Variants in ARMC6 observed in about 807,000 individuals in gnomAD.
ARMC6 encodes the protein armadillo repeat containing 6.
Under a neutral mutation model 49.2 loss-of-function variants are expected in ARMC6, and 43 were observed. That is an observed-to-expected ratio of 0.87 (90% CI 0.69 to 1.13). The LOEUF is 1.13. ARMC6 is among the 50% of genes most tolerant of loss of function. The pLI is 0.00. For synonymous variants in ARMC6, 262 were observed against 289.6 expected (o/e 0.90, Z 0.97); for missense variants, 627 against 682.0 (o/e 0.92, Z 0.90).
rs747958804 is a variant in ARMC6 at position 19,042,825 on chromosome 19, G to A, written c.144G>A (p.Ala48=). 2.9e-5 allele frequency: 46 copies of A among 1,613,900 alleles called. No homozygotes were observed. Among genetic ancestry groups the A allele is most frequent in the East Asian group, 6.7e-5 (3 of 44,894 alleles). ...AAVRENIEEF[A]MGPEEAVKEA... ...TGCGCGAGAACATCGAGGAGTTTGCGATGGGGCCAGAGGAGGCAGTGAAAG... is the reference window on the plus strand; with the variant it reads ...TGCGCGAGAACATCGAGGAGTTTGCAATGGGGCCAGAGGAGGCAGTGAAAG... Residue 48 remains alanine (A), a synonymous_variant, in exon 3 of 9, where the codon GCG becomes GCA. Coordinates refer to ENST00000535612, the MANE Select transcript of ARMC6 (RefSeq NM_001199196.2).
rs141794938 is a variant in ARMC6 at position 19,052,483 on chromosome 19, G to T, written c.853+288G>T. On this transcript the variant is annotated intron_variant, in intron 5 of 8. Transcript: ENST00000535612. Reference sequence around the variant, plus strand: ...CTGTGTCCAACTCCAGGGGCTGAGAGTGGGGAAGGGGGACCTCCCCAGAGG... The same window carrying T: ...CTGTGTCCAACTCCAGGGGCTGAGATTGGGGAAGGGGGACCTCCCCAGAGG... Among the ~76,000 whole-genome samples the T allele has an allele frequency of 7.2e-5, 11 of 152,320 alleles. No homozygotes were observed. In the East Asian group the frequency reaches 1.7e-3, roughly 24 times the overall value.
chr19:19,037,075 A>G (rs2059375639), intron 2 of ARMC6, among the ~76,000 whole-genome samples: 1 of 152,204 alleles, frequency 6.6e-6, no homozygotes, highest in Non-Finnish European at 1.5e-5. Context: ...AGTCTCAGCT[A>G]CTTGGAGGCT....
chr19:19,057,361 A>C, intron 8 of ARMC6, 55 bp from the exon 9 acceptor site: 1 of 1,488,274 alleles, frequency 6.7e-7, no homozygotes, highest in Non-Finnish European at 9.3e-7. Context: ...CTGAGGTCAG[A>C]GTGGACCCCA....
Position 19,054,252 on chromosome 19 carries a change from C to A in ARMC6, c.954C>A (p.Gly318=), listed in dbSNP as rs2059524508. Reference sequence around the variant, plus strand: ...GCCAGGAGGTCGTCGACCTCGGGGGCCTGAGCATTCTGGTGTCCCTGCTAG... The same window carrying A: ...GCCAGGAGGTCGTCGACCTCGGGGGACTGAGCATTCTGGTGTCCCTGCTAG... ...EFCQEVVDLG[G]LSILVSLLAD... The change falls in exon 6 of 9, where the codon GGC becomes GGA. Residue 318 remains glycine (G), a synonymous_variant. Coordinates refer to ENST00000535612, the MANE Select transcript of ARMC6 (RefSeq NM_001199196.2). The A allele has an allele frequency of 1.9e-6, 3 of 1,611,734 alleles. No homozygotes were observed. The highest frequency in any genetic ancestry group is 2.5e-6 in the Non-Finnish European group (3 of 1,178,954).
chr19:19,046,088 T>C (rs1438792606), intron 4 of ARMC6, among the ~76,000 whole-genome samples: 1 of 152,212 alleles, frequency 6.6e-6, no homozygotes, highest in East Asian at 1.9e-4. Flanking sequence ...GCAGAGCTGG[T>C]ACCCGGATCC....
chr19:19,057,748 T>A lies in ARMC6; in HGVS notation c.*120T>A, dbSNP rs559073113. 222 of 801,402 alleles carry A rather than the reference T, an allele frequency of 2.8e-4. 1 individual carries two copies. In the South Asian group the frequency reaches 3.0e-3, roughly 11 times the overall value. The allele number at this position is 801,402 out of a possible 1,614,324, so 49.6% of individuals were successfully genotyped here. On this transcript the variant is annotated 3_prime_UTR_variant, in exon 9 of 9. Transcript: ENST00000535612. ...CCCCTTCACAATGAGAAGTGTTTTCTGGCAGGCCCTAGGTAAAGGGTCGGG... is the reference window on the plus strand; with the variant it reads ...CCCCTTCACAATGAGAAGTGTTTTCAGGCAGGCCCTAGGTAAAGGGTCGGG...
intron 5 of ARMC6, among the ~76,000 whole-genome samples, chr19:19,053,617 G>C (rs1463663687): frequency 6.6e-6 from 1 of 152,196 alleles, no homozygotes; most frequent in Non-Finnish European, 1.5e-5. Context: ...GGTGGTCACA[G>C]GAACTGACCG....
intron 4 of ARMC6, among the ~76,000 whole-genome samples, chr19:19,049,456 G>A (rs1197139644): frequency 6.6e-6 from 1 of 152,182 alleles, no homozygotes. Context: ...AGGCATTTCT[G>A]TCAGGAGCTT....
rs2059419741 is a variant in ARMC6, at chr19:19,042,719, C to G, written c.38C>G (p.Ala13Gly). 6.2e-7 allele frequency: 1 copy of G among 1,612,658 alleles called. No individual in the cohort carries two copies. The highest frequency in any genetic ancestry group is 1.3e-5 in the African/African-American group (1 of 74,796). Reference sequence around the variant, plus strand: ...TTGCCCTAACCTCTCAGCTCAGGAGCATCTATCGGCTGCACGCCAACATCA... The same window carrying G: ...TTGCCCTAACCTCTCAGCTCAGGAGGATCTATCGGCTGCACGCCAACATCA... The part of the protein sequence containing the change: ...ERCCSRYSSG[A>G]SIGCTPTSTQ... The change falls in exon 3 of 9, where the codon GCA becomes GGA. Residue 13 changes from alanine to glycine, a missense_variant. Physicochemically the swap from Ala to Gly is moderately conservative, Grantham distance 60 (BLOSUM62 0). Transcript: ENST00000535612.
In ARMC6 at chr19:19,054,326, G is replaced by T; in HGVS notation, c.1023+5G>T. ...AGGGACCAGAGCGGCGTTCAGGTAT[G>T]AAGTCCCCCTGGCCCATTGCGTGCT... On this transcript the variant is annotated splice_donor_5th_base_variant and intron_variant, in intron 6 of 8. Transcript: ENST00000535612. 1 of 1,568,646 alleles carries T rather than the reference G, an allele frequency of 6.4e-7. No homozygotes were observed. Among genetic ancestry groups the T allele is most frequent in the Non-Finnish European group, 8.7e-7 (1 of 1,156,060 alleles).
At chr19:19,056,387 G>A (rs565279102) in intron 8 of ARMC6, among the ~76,000 whole-genome samples, 7 of 151,674 alleles carry the variant, frequency 4.6e-5, no homozygotes, top group African/African-American at 1.7e-4. Context: ...TCAGTCTCCC[G>A]AGTAGCTGGG....
At chr19:19,047,787 G>A (rs759935088) in intron 4 of ARMC6, among the ~76,000 whole-genome samples, 5 of 152,234 alleles carry the variant, frequency 3.3e-5, no homozygotes, top group Admixed American at 6.5e-5. Context: ...CAAGGTGGTC[G>A]GGCTACAGCT....
rs192932468 is a variant in ARMC6, at chr19:19,043,740, T to C, written c.197-252T>C. ...CTCACTGCACAGACGTGGCCTGTGA[T>C]GACAGCCTTGTGTGACAACGGCCTC... On this transcript the variant is annotated intron_variant, in intron 3 of 8. Coordinates refer to ENST00000535612, the MANE Select transcript of ARMC6 (RefSeq NM_001199196.2). 2.4e-3 allele frequency among the ~76,000 whole-genome samples: 370 copies of C among 152,258 alleles called. 2 individuals carry two copies. Among genetic ancestry groups the C allele is most frequent in the South Asian group, 7.0e-3 (34 of 4,828 alleles).
intron 2 of ARMC6, chr19:19,037,498 C>G (rs1336085710): frequency 4.4e-6 from 2 of 450,234 alleles, no homozygotes; most frequent in Non-Finnish European, 4.2e-6. Context: ...TCCCAAATAG[C>G]TGTAACTACA....
Position 19,045,493 on chromosome 19 carries a change from C to CTTTTTTTTTTT in ARMC6, c.279+1420_279+1430dup, listed in dbSNP as rs11270900. Reference sequence around the variant, plus strand: ...TAAGTGCTCAGCATTATGCTAAATTCTTTTTTTTTTTGAGACAAGAGTCTC... The same window carrying CTTTTTTTTTTT: ...TAAGTGCTCAGCATTATGCTAAATTCTTTTTTTTTTTTTTTTTTTTTTGAGACAAGAGTCTC... On this transcript the variant is annotated intron_variant, in intron 4 of 8. Transcript: ENST00000535612. Among the ~76,000 whole-genome samples the CTTTTTTTTTTT allele has an allele frequency of 3.8e-4, 34 of 89,126 alleles. 5 individuals carry two copies. Among genetic ancestry groups the CTTTTTTTTTTT allele is most frequent in the Admixed American group, 1.5e-3 (10 of 6,460 alleles). 58.5% of individuals were successfully genotyped at this position (89,126 alleles called of 152,430 possible). A position where few individuals can be genotyped will look rare whatever the true frequency, so the allele number is the denominator to read the frequency against.
Position 19,052,479 on chromosome 19 carries a change from G to C in ARMC6, c.853+284G>C, listed in dbSNP as rs552711999. Among the ~76,000 whole-genome samples the C allele has an allele frequency of 5.3e-5, 8 of 152,290 alleles. No individual in the cohort carries two copies. In the East Asian group the frequency reaches 1.5e-3, roughly 29 times the overall value. On this transcript the variant is annotated intron_variant, in intron 5 of 8. Transcript: ENST00000535612. ...CTTGCTGTGTCCAACTCCAGGGGCT[G>C]AGAGTGGGGAAGGGGGACCTCCCCA...
At chr19:19,051,373 CTCTGTG>C (rs1232705073) in intron 4 of ARMC6, among the ~76,000 whole-genome samples, 70 of 115,156 alleles carry the variant, frequency 6.1e-4, no homozygotes, top group African/African-American at 2.3e-3. Flanking sequence ...CTCTCTCTCT[CTCTGTG>C]TGTGTGTGTG....
At chr19:19,045,952 A>G (rs546161506) in intron 4 of ARMC6, among the ~76,000 whole-genome samples, 1 of 152,108 alleles carries the variant, frequency 6.6e-6, no homozygotes, top group African/African-American at 2.4e-5. Context: ...TGCCCGGCCT[A>G]TTATGCTAAA....
chr19:19,033,902 A>G lies in ARMC6; in HGVS notation c.-108A>G, dbSNP rs1038843542. On this transcript the variant is annotated 5_prime_UTR_variant, in exon 1 of 9. Coordinates refer to ENST00000535612, the MANE Select transcript of ARMC6 (RefSeq NM_001199196.2). ...TCCCTGGGTGACAACCGCGCGCCCC[A>G]CCTTTCCCCACGTGGCCGCGAAGAC... is the stretch of plus-strand genomic sequence containing the variant. 5.0e-5 allele frequency: 20 copies of G among 398,898 alleles called. No homozygotes were observed. Among genetic ancestry groups the G allele is most frequent in the Non-Finnish European group, 7.7e-5 (17 of 220,392 alleles). The allele number at this position is 398,898 out of a possible 1,614,324, so 24.7% of individuals were successfully genotyped here. A position where few individuals can be genotyped will look rare whatever the true frequency, so the allele number is the denominator to read the frequency against.
Sources: gnomAD v4.1 joint callset for allele counts (sites outside exome capture counted in the v4.1 genomes callset) on GRCh38, gnomAD v4.1.1 for gene constraint, MANE v1.5 for transcripts, NCBI Gene and HGNC (gene_info 2026-07-23, HGNC 2026-07-21) for gene names.